EPHA6: variants seen among roughly 807,000 people sequenced by gnomAD.
EPHA6 encodes EPH receptor A6.
EPHA6 carries 50 observed loss-of-function variants against 112.0 expected under a neutral mutation model. That is an observed-to-expected ratio of 0.45 (90% CI 0.36 to 0.56). EPHA6 has a LOEUF of 0.56. EPHA6 is among the 20% of genes least tolerant of loss of function. The pLI, the probability that EPHA6 is intolerant of heterozygous loss-of-function variation, is 0.00. For missense variants in EPHA6, 1,280 were observed against 1,417.4 expected (o/e 0.90, Z 1.56); for synonymous variants, 529 against 490.7 (o/e 1.08, Z -1.03).
At chr3:97,130,448 GT>G (rs1247937836) in intron 3 of EPHA6, among the ~76,000 whole-genome samples, 2 of 151,884 alleles carry the variant, frequency 1.3e-5, no homozygotes, top group Admixed American at 6.6e-5. Context: ...TAATGATTTT[GT>G]TTTTTAATAT....
At chr3:97,135,422 C>T (rs965834122) in intron 3 of EPHA6, among the ~76,000 whole-genome samples, 15 of 152,166 alleles carry the variant, frequency 9.9e-5, no homozygotes, top group African/African-American at 3.1e-4. Flanking sequence ...ACCATTTTCA[C>T]TTCAAAAAAT....
intron 13 of EPHA6, among the ~76,000 whole-genome samples, chr3:97,615,728 T>C (rs1020101311): frequency 6.6e-6 from 1 of 152,110 alleles, no homozygotes; most frequent in Non-Finnish European, 1.5e-5. Flanking sequence ...CCAGATTGCC[T>C]CTTTAACCAA....
chr3:97,289,891 T>C (rs753923123), intron 5 of EPHA6, among the ~76,000 whole-genome samples: 25 of 152,264 alleles, frequency 1.6e-4, no homozygotes, highest in Non-Finnish European at 3.7e-4. Context: ...ATCTTGTTTA[T>C]CCTTTCAAAG....
chr3:97,278,886 C>G (rs1369697447), intron 5 of EPHA6, among the ~76,000 whole-genome samples: 1 of 152,146 alleles, frequency 6.6e-6, no homozygotes, highest in Non-Finnish European at 1.5e-5. Flanking sequence ...ATCTGAGGGC[C>G]GCTGACACAC....
intron 16 of EPHA6, among the ~76,000 whole-genome samples, chr3:97,745,985 A>G (rs939285804): frequency 7.2e-5 from 11 of 151,878 alleles, no homozygotes; most frequent in African/African-American, 2.7e-4. Context: ...ACATGGTGTA[A>G]TCATTTGTGC....
At position 97,501,274 on chromosome 3, in the gene EPHA6, G is replaced by A. The variant is rs2092109955; in HGVS notation, c.2200+17215G>A. On this transcript the variant is annotated intron_variant, in intron 10 of 17. Coordinates refer to ENST00000389672, the MANE Select transcript of EPHA6 (RefSeq NM_001080448.3). ...AAATTCTATCTGATGAATATATAGA[G>A]ATTGAGTAAAGCTGGAAGATCTGAA... is the stretch of plus-strand genomic sequence containing the variant. 2.0e-5 allele frequency among the ~76,000 whole-genome samples: 3 copies of A among 152,134 alleles called. 1 individual carries two copies. In the South Asian group the frequency reaches 6.2e-4, roughly 32 times the overall value.
chr3:96,926,934 G>T lies in EPHA6; in HGVS notation c.450+60045G>T, dbSNP rs977667647. On this transcript the variant is annotated intron_variant, in intron 2 of 17. Coordinates refer to ENST00000389672, the MANE Select transcript of EPHA6 (RefSeq NM_001080448.3). ...CTGCACTAGGCAGTGCCCCAGTAGG[G>T]ACTCTGTGTGGGGGCGTCAACCCCA... is the stretch of plus-strand genomic sequence containing the variant. Among the ~76,000 whole-genome samples, 4 of 152,310 alleles carry T rather than the reference G, an allele frequency of 2.6e-5. No homozygotes were observed. The East Asian group carries it at 7.7e-4, about 29-fold the overall frequency.
intron 10 of EPHA6, among the ~76,000 whole-genome samples, chr3:97,526,748 T>A (rs1162598809): frequency 6.6e-6 from 1 of 152,150 alleles, no homozygotes; most frequent in African/African-American, 2.4e-5. Context: ...GATGGGCTAG[T>A]CACCCTGTGC....
chr3:97,197,835 G>C (rs561206241), intron 3 of EPHA6, among the ~76,000 whole-genome samples: 1 of 152,144 alleles, frequency 6.6e-6, no homozygotes, highest in Admixed American at 6.5e-5. Flanking sequence ...GGGGCTACCA[G>C]GAACTCAGGC....
At chr3:97,502,683 A>T (rs566753540) in intron 10 of EPHA6, among the ~76,000 whole-genome samples, 4 of 151,420 alleles carry the variant, frequency 2.6e-5, no homozygotes, top group Non-Finnish European at 5.9e-5. Flanking sequence ...AATACAAAAA[A>T]ATTAGCTGGG....
chr3:97,436,130 A>G (rs956903812), intron 6 of EPHA6, among the ~76,000 whole-genome samples: 2 of 152,132 alleles, frequency 1.3e-5, no homozygotes, highest in Non-Finnish European at 2.9e-5. Context: ...CACACATTTG[A>G]TATCTTCTGA....
intron 1 of EPHA6, among the ~76,000 whole-genome samples, chr3:96,817,953 A>G (rs1347133127): frequency 1.3e-5 from 2 of 151,954 alleles, no homozygotes; most frequent in African/African-American, 4.8e-5. Flanking sequence ...CTCTCTTCCT[A>G]TGAACCAAAC....
At chr3:97,468,825 C>A (rs2091139791) in intron 7 of EPHA6, among the ~76,000 whole-genome samples, 1 of 151,572 alleles carries the variant, frequency 6.6e-6, no homozygotes, top group African/African-American at 2.4e-5. Flanking sequence ...TATATTAATA[C>A]CTATACTATG....
At chr3:97,551,333 C>G (rs1395397839) in intron 11 of EPHA6, among the ~76,000 whole-genome samples, 1 of 152,062 alleles carries the variant, frequency 6.6e-6, no homozygotes, top group East Asian at 1.9e-4. Flanking sequence ...ACACCTTAGT[C>G]CACTTGTGAT....
At chr3:97,682,988 G>A (rs943827537) in intron 14 of EPHA6, among the ~76,000 whole-genome samples, 2 of 152,050 alleles carry the variant, frequency 1.3e-5, no homozygotes, top group African/African-American at 4.8e-5. Flanking sequence ...CAGCTACAAC[G>A]AAAACCTTCC....
intron 6 of EPHA6, among the ~76,000 whole-genome samples, chr3:97,439,984 T>C (rs1170418161): frequency 6.6e-6 from 1 of 152,118 alleles, no homozygotes; most frequent in East Asian, 1.9e-4. Context: ...ATCAATCAAT[T>C]GACATTACTA....
chr3:96,949,305 T>C (rs1354443793), intron 2 of EPHA6, among the ~76,000 whole-genome samples: 1 of 151,962 alleles, frequency 6.6e-6, no homozygotes, highest in Non-Finnish European at 1.5e-5. Flanking sequence ...TAGCAAAAGG[T>C]GTGCAGCATA....
At chr3:96,817,344 A>T (rs2032879034) in intron 1 of EPHA6, among the ~76,000 whole-genome samples, 1 of 151,966 alleles carries the variant, frequency 6.6e-6, no homozygotes, top group African/African-American at 2.4e-5. Flanking sequence ...ATTCTTAATA[A>T]CATTTTAGGG....
intron 5 of EPHA6, among the ~76,000 whole-genome samples, 158 bp from the exon 6 acceptor site, chr3:97,404,992 A>T (rs1365957923): frequency 6.6e-6 from 1 of 152,196 alleles, no homozygotes; most frequent in East Asian, 1.9e-4. Flanking sequence ...ATTTGGATCG[A>T]ATAGAGCATA....
Sources: allele counts gnomAD v4.1 joint callset (sites outside exome capture counted in the v4.1 genomes callset), GRCh38; gene constraint gnomAD v4.1.1; transcripts MANE v1.5; gene names NCBI Gene and HGNC (gene_info 2026-07-23, HGNC 2026-07-21).